Variants in HAUS7 observed in about 807,000 individuals in gnomAD.
HAUS7 encodes HAUS augmin like complex subunit 7, also known as HAUS augmin-like complex subunit 7.
Under a neutral mutation model 28.4 loss-of-function variants are expected in HAUS7, and 3 were observed. The ratio of observed to expected loss-of-function variants is 0.11; its 90% CI spans 0.05 to 0.27. The LOEUF is 0.27. Among genes scored for constraint, HAUS7 ranks in the 10% least tolerant of loss-of-function variants. The pLI is 1.00. For missense variants in HAUS7, 284 were observed against 297.3 expected (o/e 0.96, Z 0.33); for synonymous variants, 165 against 132.1 (o/e 1.25, Z -1.71).
chrX:153,490,050 C>T (rs978142850), intron 1 of HAUS7, among the ~76,000 whole-genome samples: 5 of 112,794 alleles, frequency 4.4e-5, no homozygotes, highest in African/African-American at 6.4e-5. Context: ...AGTCAGGGCT[C>T]GGGACAGGGC....
At chrX:153,483,905 G>A (rs1489178732) in intron 1 of HAUS7, among the ~76,000 whole-genome samples, 1 of 112,306 alleles carries the variant, frequency 8.9e-6, no homozygotes, top group Non-Finnish European at 1.9e-5. Context: ...AGGAAGCAGC[G>A]CGGAAGGGCT....
intron 1 of HAUS7, among the ~76,000 whole-genome samples, chrX:153,491,000 C>G (rs982594778): frequency 8.9e-6 from 1 of 111,942 alleles, no homozygotes; most frequent in Non-Finnish European, 1.9e-5. Flanking sequence ...GTCCCATCCC[C>G]AAGACAGGCA....
At position 153,477,140 on chromosome X, in the gene HAUS7, T is replaced by TC. The variant is rs782819363; in HGVS notation, c.-588-5996dup. Among the ~76,000 whole-genome samples the TC allele has an allele frequency of 6.6e-4, 75 of 113,264 alleles. 2 individuals are homozygous for TC. The highest frequency in any genetic ancestry group is 5.8e-4 in the Non-Finnish European group (31 of 53,285). On this transcript the variant is annotated intron_variant, in intron 1 of 5. Transcript: ENST00000370210. ...CTGGGAACTGAGAGCACCCCAGGCCTCACCCCTTCCTGCCTAGGTGGGTAG... is the reference window on the plus strand; with the variant it reads ...CTGGGAACTGAGAGCACCCCAGGCCTCCACCCCTTCCTGCCTAGGTGGGTAG...
At chrX:153,481,250 A>C in intron 1 of HAUS7, 1 of 602,597 alleles carries the variant, frequency 1.7e-6, no homozygotes, top group East Asian at 1.7e-4. Context: ...TGTCGCTCCA[A>C]CCCAGGCTGG....
chrX:153,486,197 T>C, intron 1 of HAUS7: 1 of 601,035 alleles, frequency 1.7e-6, no homozygotes, highest in Non-Finnish European at 2.2e-6. Flanking sequence ...AGGCCCTGCC[T>C]TCTGGCTGGG....
At chrX:153,469,388 T>C in intron 1 of HAUS7, 127 bp from the exon 2 acceptor site, 1 of 389,295 alleles carries the variant, frequency 2.6e-6, no homozygotes, top group Non-Finnish European at 4.5e-6. Context: ...TGCAGTGGCA[T>C]GATCTCGGCT....
chrX:153,457,871 C>A (rs142153584), intron 4 of HAUS7, among the ~76,000 whole-genome samples: 4,126 of 113,216 alleles, frequency 0.036, 170 homozygotes, highest in African/African-American at 0.12. Context: ...CTGAGGAGCC[C>A]CAGGACCTGA....
At chrX:153,449,642 CTG>C (rs1158797253) in intron 9 of HAUS7, among the ~76,000 whole-genome samples, 3 of 112,629 alleles carry the variant, frequency 2.7e-5, no homozygotes, top group South Asian at 3.7e-4. Flanking sequence ...AGGCCACAGG[CTG>C]TCTCTCTTGA....
rs371555619 is a variant in HAUS7 at position 153,485,998 on chromosome X, G to T, written c.-589+9376C>A. 75 of 978,972 alleles carry T rather than the reference G, an allele frequency of 7.7e-5. No homozygotes were observed. The East Asian group carries it at 2.8e-3, about 37-fold the overall frequency. 80.7% of individuals were successfully genotyped at this position (978,972 alleles called of 1,213,427 possible). A position where few individuals can be genotyped will look rare whatever the true frequency, so the allele number is the denominator to read the frequency against. On this transcript the variant is annotated intron_variant, in intron 1 of 5. Coordinates refer to the HAUS7 transcript ENST00000370210. ...TCCTGGGCCTGCGCGCCTCGCTGGCGGAGCTGCTCCTGGATCATAACCAGG... is the reference window on the plus strand; with the variant it reads ...TCCTGGGCCTGCGCGCCTCGCTGGCTGAGCTGCTCCTGGATCATAACCAGG...
At chrX:153,456,989 C>A in intron 5 of HAUS7, 148 bp downstream of exon 5, 1 of 477,345 alleles carries the variant, frequency 2.1e-6, no homozygotes, top group Non-Finnish European at 3.7e-6. Context: ...TGCTGCCCGG[C>A]CCCTGATTGG....
At chrX:153,470,740 C>T, upstream of HAUS7, 3 of 606,280 alleles carry the variant, frequency 4.9e-6, no homozygotes, top group East Asian at 3.6e-5. Context: ...GCCCCGGCAC[C>T]ACCCAGAGGC....
In HAUS7 at chrX:153,462,674, G is replaced by A; in HGVS notation, c.293-3C>T. ...CTCGTGGCCCAGCTTCGTCATTTCT[G>A]TTGAAACACAAAGAGCCCATCATGG... On this transcript the variant is annotated splice_region_variant and splice_polypyrimidine_tract_variant and intron_variant, in intron 3 of 9. Coordinates refer to ENST00000370211, the MANE Select transcript of HAUS7 (RefSeq NM_001385482.1). 2 of 1,197,224 alleles carry A rather than the reference G, an allele frequency of 1.7e-6. No individual in the cohort carries two copies. Among genetic ancestry groups the A allele is most frequent in the African/African-American group, 1.7e-5 (1 of 57,759 alleles).
chrX:153,459,693 G>A (rs1023436963), intron 4 of HAUS7, among the ~76,000 whole-genome samples: 2 of 112,069 alleles, frequency 1.8e-5, no homozygotes, highest in East Asian at 2.8e-4. Flanking sequence ...CACAAGATAA[G>A]GAAATACATA....
intron 4 of HAUS7, among the ~76,000 whole-genome samples, chrX:153,460,386 G>A (rs1556983122): frequency 1.8e-5 from 2 of 111,553 alleles, no homozygotes; most frequent in East Asian, 2.8e-4. Flanking sequence ...GCTTTAACGC[G>A]GCTTAAAAAT....
chrX:153,459,913 G>A (rs2089366331), intron 4 of HAUS7, among the ~76,000 whole-genome samples: 1 of 111,806 alleles, frequency 8.9e-6, no homozygotes, highest in South Asian at 3.7e-4. Flanking sequence ...CTACTCAGAG[G>A]GCTGAGGTGG....
chrX:153,452,364 A>T (rs782560761), intron 9 of HAUS7, among the ~76,000 whole-genome samples: 19 of 112,557 alleles, frequency 1.7e-4, no homozygotes, highest in African/African-American at 5.8e-4. Flanking sequence ...ATCGATAAAT[A>T]TAAAAATGTG....
intron 1 of HAUS7, chrX:153,494,911 T>C (rs2089698021): frequency 2.4e-5 from 1 of 41,046 alleles, no homozygotes; most frequent in African/African-American, 9.7e-5. Context: ...CCCCGCCCTC[T>C]CCCCGCTGTC....
At chrX:153,460,786 C>T (rs1001505537) in intron 4 of HAUS7, among the ~76,000 whole-genome samples, 2 of 112,247 alleles carry the variant, frequency 1.8e-5, no homozygotes, top group Admixed American at 9.4e-5. Context: ...ACCAGGATTC[C>T]GAGTTCTCCT....
upstream of HAUS7, chrX:153,470,730 G>A (rs921807712): frequency 1.5e-6 from 1 of 665,905 alleles, no homozygotes; most frequent in Non-Finnish European, 2.2e-6. Flanking sequence ...CCCACCCCCC[G>A]CCCCGGCACC....
Sources: gnomAD v4.1 joint callset for allele counts (sites outside exome capture counted in the v4.1 genomes callset) on GRCh38, gnomAD v4.1.1 for gene constraint, MANE v1.5 for transcripts, NCBI Gene and HGNC (gene_info 2026-07-23, HGNC 2026-07-21) for gene names.